Variants in CDH23 observed in about 807,000 individuals in gnomAD.
CDH23 encodes cadherin-23.
A neutral mutation model predicts 317.1 loss-of-function variants in CDH23; 189 were observed. The ratio of observed to expected loss-of-function variants is 0.60; its 90% CI spans 0.53 to 0.67. CDH23 has a LOEUF of 0.67. CDH23 is among the 30% of genes least tolerant of loss of function. CDH23 has a pLI of 0.00. For synonymous variants in CDH23, 1,839 were observed against 1,876.8 expected (o/e 0.98, Z 0.52); for missense variants, 4,401 against 4,592.4 (o/e 0.96, Z 1.20).
In CDH23 at chr10:71,777,789, C is replaced by T; in HGVS notation, c.4955C>T (p.Thr1652Ile). ...GATGAGGGCCCAGACACGCTCAACA[C>T]CAGCCTCATCACCATCCAGGCACTG... ...LLDEGPDTLN[T>I]SLITIQALDL... is the part of the protein sequence containing the mutation. Residue 1652 changes from threonine to isoleucine, a missense_variant, in exon 39 of 70, where the codon ACC becomes ATC. Transcript: ENST00000224721. 6.2e-7 allele frequency: 1 copy of T among 1,613,942 alleles called. No homozygotes were observed. The highest frequency in any genetic ancestry group is 1.1e-5 in the South Asian group (1 of 91,078).
chr10:71,487,254 AAT>A (rs1181840045), intron 3 of CDH23, among the ~76,000 whole-genome samples: 2 of 152,190 alleles, frequency 1.3e-5, no homozygotes, highest in African/African-American at 4.8e-5. Context: ...AGTGTATATA[AAT>A]ATATATGAGT....
At chr10:71,521,793 G>T (rs186419889) in intron 6 of CDH23, among the ~76,000 whole-genome samples, 12 of 152,336 alleles carry the variant, frequency 7.9e-5, no homozygotes, top group Admixed American at 7.2e-4. Context: ...GGAGGCACAA[G>T]TCTCTGCTCC....
At chr10:71,601,966 G>A (rs917386712) in intron 9 of CDH23, among the ~76,000 whole-genome samples, 2 of 151,530 alleles carry the variant, frequency 1.3e-5, no homozygotes, top group South Asian at 2.1e-4. Context: ...GGCGGAGGGG[G>A]GGGGGCTCTG....
At chr10:71,409,006 C>T (rs1221553879) in intron 1 of CDH23, among the ~76,000 whole-genome samples, 1 of 152,238 alleles carries the variant, frequency 6.6e-6, no homozygotes, top group African/African-American at 2.4e-5. Flanking sequence ...TGGGCTTTCT[C>T]TTGCACCCTG....
At chr10:71,796,955 T>C in intron 48 of CDH23, 149 bp from the exon 49 acceptor site, 2 of 605,028 alleles carry the variant, frequency 3.3e-6, no homozygotes, top group Non-Finnish European at 6.1e-6. Context: ...ATGAGGAGGC[T>C]GTGGGCCCAC....
intron 3 of CDH23, among the ~76,000 whole-genome samples, chr10:71,476,187 T>A (rs373162580): frequency 6.6e-6 from 1 of 152,102 alleles, no homozygotes; most frequent in Admixed American, 6.5e-5. Context: ...CCAGGAAAAG[T>A]ACAGGATGCT....
intron 69 of CDH23, among the ~76,000 whole-genome samples, chr10:71,813,555 G>A (rs1842015737): frequency 6.6e-6 from 1 of 152,136 alleles, no homozygotes; most frequent in South Asian, 2.1e-4. Flanking sequence ...AGTCTCTAAG[G>A]CAGTCTTTCT....
intron 8 of CDH23, among the ~76,000 whole-genome samples, chr10:71,574,348 C>T (rs1368311083): frequency 2.6e-5 from 4 of 152,302 alleles, no homozygotes; most frequent in East Asian, 3.9e-4. Flanking sequence ...TCGGCCTGCC[C>T]GTCAGTGAAG....
Position 71,677,497 on chromosome 10 carries a change from C to T in CDH23, c.1556C>T (p.Ala519Val). The change falls in exon 16 of 70, where the codon GCC becomes GTC. Residue 519 changes from alanine (A) to valine (V), a missense_variant. Physicochemically the swap from Ala to Val is moderately conservative, Grantham distance 64 (BLOSUM62 0). Transcript: ENST00000224721. ...DKDTGLIMLI[A>V]RLDYELIQRF... is the part of the protein sequence containing the mutation. The stretch of plus-strand genomic sequence containing the variant: ...GACACGGGACTCATCATGCTGATTG[C>T]CAGGCTGGACTATGAGCTCATCCAG... 1.9e-6 allele frequency: 3 copies of T among 1,611,680 alleles called. No individual in the cohort carries two copies. Among genetic ancestry groups the T allele is most frequent in the Non-Finnish European group, 2.5e-6 (3 of 1,179,178 alleles).
intron 2 of CDH23, among the ~76,000 whole-genome samples, chr10:71,443,024 C>T (rs1029458347): frequency 6.6e-6 from 1 of 152,202 alleles, no homozygotes; most frequent in Non-Finnish European, 1.5e-5. Context: ...TGCAAAGTCC[C>T]TGACTCCTTG....
chr10:71,711,985 C>G (rs1865988532), intron 27 of CDH23: 1 of 152,248 alleles, frequency 6.6e-6, no homozygotes, highest in Non-Finnish European at 1.5e-5. Flanking sequence ...TGTATTCTCT[C>G]CTGGTTCTCA....
Position 71,730,229 on chromosome 10 carries a change from A to G in CDH23, c.3580-240A>G, listed in dbSNP as rs16929272. On this transcript the variant is annotated intron_variant, in intron 30 of 69. Coordinates refer to ENST00000224721, the MANE Select transcript of CDH23 (RefSeq NM_022124.6). ...TCAGATGTTCCACAGCATTAGTCAA[A>G]AAGCCAAGAGCAAGATGAAGTTCAT... 0.029 allele frequency among the ~76,000 whole-genome samples: 4,392 copies of G among 152,316 alleles called. 235 individuals carry two copies. Among genetic ancestry groups the G allele is most frequent in the African/African-American group, 0.1 (4,170 of 41,550 alleles).
At chr10:71,704,827 C>A in intron 24 of CDH23, 84 bp from the exon 25 acceptor site, 1 of 1,078,632 alleles carries the variant, frequency 9.3e-7, no homozygotes, top group Non-Finnish European at 1.4e-6. Context: ...TGTGGCTTGG[C>A]AGGGAGGAGG....
Position 71,566,948 on chromosome 10 carries a change from T to C in CDH23, c.624+12T>C, listed in dbSNP as rs372584254. On this transcript the variant is annotated intron_variant, in intron 7 of 69. Transcript: ENST00000224721. Reference sequence around the variant, plus strand: ...CGGTCAACGCCACAGTGAGTCTCCATGCTGGGGCCCCGGCCGTCCCAGCTG... The same window carrying C: ...CGGTCAACGCCACAGTGAGTCTCCACGCTGGGGCCCCGGCCGTCCCAGCTG... 1.3e-5 allele frequency: 21 copies of C among 1,608,762 alleles called. No individual in the cohort carries two copies. Among genetic ancestry groups the C allele is most frequent in the South Asian group, 8.8e-5 (8 of 91,014 alleles).
At chr10:71,791,051 C>A in intron 46 of CDH23, 81 bp from the exon 47 acceptor site, 2 of 1,098,968 alleles carry the variant, frequency 1.8e-6, no homozygotes, top group South Asian at 1.4e-5. Flanking sequence ...TTTCTCTGCT[C>A]TCTCCCTGTT....
intron 22 of CDH23, among the ~76,000 whole-genome samples, chr10:71,695,988 G>A (rs1481470147): frequency 6.6e-6 from 1 of 152,230 alleles, no homozygotes; most frequent in African/African-American, 2.4e-5. Flanking sequence ...CTGCCCAGCA[G>A]GGGTTTTGTT....
chr10:71,723,800 G>A (rs1394172351), intron 28 of CDH23, among the ~76,000 whole-genome samples: 4 of 152,142 alleles, frequency 2.6e-5, no homozygotes, highest in Admixed American at 6.5e-5. Flanking sequence ...TGCGAACCTG[G>A]AGGAGGATCG....
In CDH23 at chr10:71,793,224, G is replaced by A. The variant is rs1841309749; in HGVS notation, c.6296G>A (p.Gly2099Asp). 6 of 1,613,650 alleles carry A rather than the reference G, an allele frequency of 3.7e-6. No individual in the cohort carries two copies. The highest frequency in any genetic ancestry group is 5.1e-6 in the Non-Finnish European group (6 of 1,179,832). ...LQVTATDEDS[G>D]LNGELVYRIE... ...GTCACAGCCACAGATGAGGACAGTG[G>A]CCTCAATGGGGAGCTGGTCTACCGA... The change falls in exon 48 of 70, where the codon GGC becomes GAC. Residue 2099 changes from glycine (G) to aspartate (D), a missense_variant. This residue lies in a region of CDH23 where 3,068 missense variants were observed against 3,203.3 expected (regional missense o/e 0.96). Transcript: ENST00000224721.
intron 3 of CDH23, among the ~76,000 whole-genome samples, chr10:71,473,172 G>T (rs146612021): frequency 2.6e-5 from 4 of 152,206 alleles, no homozygotes; most frequent in Admixed American, 1.3e-4. Context: ...CTCCATTCCC[G>T]CCTGGGAAGG....
Sources: gnomAD v4.1 joint callset for allele counts (sites outside exome capture counted in the v4.1 genomes callset) on GRCh38, gnomAD v4.1.1 for gene constraint, gnomAD v4.1.1 regional missense constraint, MANE v1.5 for transcripts, NCBI Gene and HGNC (gene_info 2026-07-23, HGNC 2026-07-21) for gene names.